ARHGAP26: variants seen among roughly 807,000 people sequenced by gnomAD.
ARHGAP26 encodes Rho GTPase activating protein 26.
ARHGAP26 carries 38 observed loss-of-function variants against 104.8 expected under a neutral mutation model. The ratio of observed to expected loss-of-function variants is 0.36; its 90% CI spans 0.28 to 0.48. The LOEUF is 0.48. Ranked by LOEUF, ARHGAP26 falls within the 20% of genes least tolerant of loss-of-function variation. The probability of loss-of-function intolerance (pLI) is 0.99; values close to 1 mark genes in which losing one functional copy is unlikely to be tolerated. For synonymous variants in ARHGAP26, 341 were observed against 340.0 expected, an observed-to-expected ratio of 1.00 and a Z score of -0.03; for missense variants, 704 against 947.9, an observed-to-expected ratio of 0.74 and a Z score of 3.38.
chr5:142,854,954 C>G (rs1408870807), intron 1 of ARHGAP26, among the ~76,000 whole-genome samples: 1 of 151,882 alleles, frequency 6.6e-6, no homozygotes, highest in Non-Finnish European at 1.5e-5. Flanking sequence ...CCCTTTTGTT[C>G]TCCTTCAGCT....
intron 1 of ARHGAP26, among the ~76,000 whole-genome samples, chr5:142,797,191 A>T (rs1262740853): frequency 6.6e-6 from 1 of 152,196 alleles, no homozygotes; most frequent in Non-Finnish European, 1.5e-5. Context: ...CATTTCTCTG[A>T]TCCCTAAAAC....
chr5:142,859,814 G>A (rs1320017421), intron 1 of ARHGAP26: 1 of 152,244 alleles, frequency 6.6e-6, no homozygotes, highest in Non-Finnish European at 1.5e-5. Flanking sequence ...GTCAGTGGTT[G>A]GCTTATCCAG....
intron 11 of ARHGAP26, among the ~76,000 whole-genome samples, chr5:143,005,724 A>G (rs1050989626): frequency 6.6e-6 from 1 of 152,174 alleles, no homozygotes; most frequent in Non-Finnish European, 1.5e-5. Flanking sequence ...AAGAAAGTTT[A>G]TTTTTCTATT....
chr5:142,959,754 A>T (rs1035419791), intron 11 of ARHGAP26, among the ~76,000 whole-genome samples: 1 of 152,186 alleles, frequency 6.6e-6, no homozygotes, highest in Non-Finnish European at 1.5e-5. Flanking sequence ...CTGACTTGGG[A>T]CTTTAATTGT....
At chr5:143,075,223 T>C (rs1245441544) in intron 17 of ARHGAP26, among the ~76,000 whole-genome samples, 1 of 152,088 alleles carries the variant, frequency 6.6e-6, no homozygotes, top group Non-Finnish European at 1.5e-5. Flanking sequence ...ATTAAAAATA[T>C]TCCTCTATTA....
chr5:142,965,540 C>T (rs1172457785), intron 11 of ARHGAP26, among the ~76,000 whole-genome samples: 1 of 152,194 alleles, frequency 6.6e-6, no homozygotes, highest in Non-Finnish European at 1.5e-5. Flanking sequence ...TCACTATGTC[C>T]CCTCAGCTCC....
intron 1 of ARHGAP26, among the ~76,000 whole-genome samples, chr5:142,825,358 G>GC (rs1767026538): frequency 6.6e-6 from 1 of 152,162 alleles, no homozygotes; most frequent in African/African-American, 2.4e-5. Context: ...AGGGACAGAG[G>GC]CCCCCTTCCA....
intron 11 of ARHGAP26, among the ~76,000 whole-genome samples, chr5:142,945,952 C>T (rs1332481012): frequency 6.6e-6 from 1 of 152,156 alleles, no homozygotes; most frequent in Non-Finnish European, 1.5e-5. Flanking sequence ...TAACCTGGAA[C>T]AGTTAGAGGC....
At chr5:142,822,596 C>T (rs1049891455) in intron 1 of ARHGAP26, among the ~76,000 whole-genome samples, 1 of 151,832 alleles carries the variant, frequency 6.6e-6, no homozygotes, top group African/African-American at 2.4e-5. Context: ...ATATATATAG[C>T]TGATATATAT....
At chr5:142,841,158 G>A (rs939801195) in intron 1 of ARHGAP26, among the ~76,000 whole-genome samples, 2 of 152,044 alleles carry the variant, frequency 1.3e-5, no homozygotes, top group African/African-American at 4.8e-5. Flanking sequence ...TATCAGCCTC[G>A]GGGGTCTGGG....
chr5:143,061,105 T>C (rs1349061117), intron 17 of ARHGAP26, among the ~76,000 whole-genome samples: 1 of 152,230 alleles, frequency 6.6e-6, no homozygotes, highest in Non-Finnish European at 1.5e-5. Flanking sequence ...GATTTAGTTT[T>C]GCATGATTTA....
intron 5 of ARHGAP26, among the ~76,000 whole-genome samples, chr5:142,888,937 A>G (rs1758096705): frequency 6.6e-6 from 1 of 152,180 alleles, no homozygotes; most frequent in Non-Finnish European, 1.5e-5. Flanking sequence ...TAGCTTCTCA[A>G]GTGGCAGGCA....
chr5:143,196,172 C>T (rs1806799178), intron 20 of ARHGAP26, among the ~76,000 whole-genome samples: 1 of 151,392 alleles, frequency 6.6e-6, no homozygotes, highest in African/African-American at 2.4e-5. Flanking sequence ...ATTTAGTAAC[C>T]ACCCCCTCAC....
At chr5:142,892,143 A>C (rs1758755430) in intron 5 of ARHGAP26, among the ~76,000 whole-genome samples, 1 of 151,902 alleles carries the variant, frequency 6.6e-6, no homozygotes, top group Admixed American at 6.6e-5. Flanking sequence ...AGTATTTGGG[A>C]CTTCTGTGAA....
chr5:143,116,613 G>A (rs185269175), intron 17 of ARHGAP26, among the ~76,000 whole-genome samples: 1 of 152,144 alleles, frequency 6.6e-6, no homozygotes. Flanking sequence ...AGCCCTACAA[G>A]GGTTGGCTAC....
rs185653692 is a variant in ARHGAP26, at chr5:143,167,731, T to C, written c.1988+20350T>C. On this transcript the variant is annotated intron_variant, in intron 20 of 22. Coordinates refer to ENST00000645722, the MANE Select transcript of ARHGAP26 (RefSeq NM_001135608.3). ...GTTTTAACTGGTGCTGGGTTAAGAATTTGTCTTGCCTACCAGAATATCCAG... is the reference window on the plus strand; with the variant it reads ...GTTTTAACTGGTGCTGGGTTAAGAACTTGTCTTGCCTACCAGAATATCCAG... Among the ~76,000 whole-genome samples, 47 of 152,214 alleles carry C rather than the reference T, an allele frequency of 3.1e-4. 1 individual carries two copies. Among genetic ancestry groups the C allele is most frequent in the Admixed American group, 2.7e-3 (41 of 15,286 alleles).
chr5:142,849,877 C>T, intron 1 of ARHGAP26, among the ~76,000 whole-genome samples: 1 of 152,190 alleles, frequency 6.6e-6, no homozygotes. Flanking sequence ...CCAGGCACAA[C>T]CTCTGGACCC....
At chr5:143,091,208 G>A (rs1175892909) in intron 17 of ARHGAP26, among the ~76,000 whole-genome samples, 1 of 152,210 alleles carries the variant, frequency 6.6e-6, no homozygotes, top group South Asian at 2.1e-4. Context: ...TCCGCTTTCC[G>A]CTGTATGAAC....
chr5:143,190,228 A>G (rs780674075), intron 20 of ARHGAP26, among the ~76,000 whole-genome samples: 11 of 152,232 alleles, frequency 7.2e-5, no homozygotes, highest in Admixed American at 1.3e-4. Context: ...CAAATGGACC[A>G]GCTTCTGAAG....
Sources: gnomAD v4.1 joint callset for allele counts (sites outside exome capture counted in the v4.1 genomes callset) on GRCh38, gnomAD v4.1.1 for gene constraint, MANE v1.5 for transcripts, NCBI Gene and HGNC (gene_info 2026-07-23, HGNC 2026-07-21) for gene names.